CADPS: variants seen among roughly 807,000 people sequenced by gnomAD.
CADPS encodes calcium-dependent secretion activator 1.
Under a neutral mutation model 167.3 loss-of-function variants are expected in CADPS, and 57 were observed. That is an observed-to-expected ratio of 0.34 (90% CI 0.28 to 0.42). The LOEUF (loss-of-function observed/expected upper bound fraction) is 0.42. Among genes scored for constraint, CADPS ranks in the 20% least tolerant of loss-of-function variants. The pLI, the probability that CADPS is intolerant of heterozygous loss-of-function variation, is 1.00. For synonymous variants in CADPS, 676 were observed against 635.3 expected, an observed-to-expected ratio of 1.06 and a Z score of -0.96; for missense variants, 1,414 against 1,738.1, an observed-to-expected ratio of 0.81 and a Z score of 3.32.
chr3:62,835,811 A>T (rs2075810035), intron 1 of CADPS, among the ~76,000 whole-genome samples: 1 of 152,240 alleles, frequency 6.6e-6, no homozygotes, highest in South Asian at 2.1e-4. Context: ...GACAATGCCC[A>T]GCAGAATTGA....
At chr3:62,468,741 T>C (rs2060230404) in intron 24 of CADPS, among the ~76,000 whole-genome samples, 1 of 152,190 alleles carries the variant, frequency 6.6e-6, no homozygotes, top group South Asian at 2.1e-4. Flanking sequence ...TATGATCATC[T>C]CCATTCCTCT....
At chr3:62,523,317 G>A (rs1023576308) in intron 13 of CADPS, among the ~76,000 whole-genome samples, 2 of 152,046 alleles carry the variant, frequency 1.3e-5, no homozygotes, top group Non-Finnish European at 2.9e-5. Context: ...TCTATTATAG[G>A]ATTAATATAA....
rs59020048 is a variant in CADPS at position 62,675,268 on chromosome 3, GA to G, written c.889-12875del. Among the ~76,000 whole-genome samples the G allele has an allele frequency of 6.4e-3, 952 of 147,840 alleles. 6 individuals carry two copies. The highest frequency in any genetic ancestry group is 0.022 in the African/African-American group (882 of 40,390). On this transcript the variant is annotated intron_variant, in intron 3 of 29. Coordinates refer to ENST00000383710, the MANE Select transcript of CADPS (RefSeq NM_003716.4). The stretch of plus-strand genomic sequence containing the variant: ...CTAGCTGCAAAGAAAGTTAGAAAAT[GA>G]AAAAAAAAATACATAAAATATTTTA...
At chr3:62,406,015 A>G (rs957262111) in intron 28 of CADPS, among the ~76,000 whole-genome samples, 4 of 152,206 alleles carry the variant, frequency 2.6e-5, no homozygotes, top group Non-Finnish European at 5.9e-5. Flanking sequence ...GTGACTTGCC[A>G]ATGTCACACA....
At chr3:62,467,408 A>T in intron 24 of CADPS, 1 of 618,924 alleles carries the variant, frequency 1.6e-6, no homozygotes, top group South Asian at 2.0e-5. Flanking sequence ...AAAATTAAAT[A>T]AAATATTCAA....
intron 6 of CADPS, among the ~76,000 whole-genome samples, chr3:62,595,959 G>C (rs1188214978): frequency 6.6e-6 from 1 of 151,964 alleles, no homozygotes; most frequent in Non-Finnish European, 1.5e-5. Flanking sequence ...TCAAACATTG[G>C]ACTCCAAGTT....
At chr3:62,443,085 C>CGTGG (rs2056627457) in intron 27 of CADPS, among the ~76,000 whole-genome samples, 1 of 152,156 alleles carries the variant, frequency 6.6e-6, no homozygotes. Context: ...CTAATATGCA[C>CGTGG]TAAAATAATT....
chr3:62,748,621 G>A (rs1301992906), intron 3 of CADPS, among the ~76,000 whole-genome samples: 7 of 152,028 alleles, frequency 4.6e-5, no homozygotes, highest in Non-Finnish European at 5.9e-5. Flanking sequence ...CATCATCATC[G>A]CTGTCAGCTT....
chr3:62,584,939 A>G (rs2084261585), intron 8 of CADPS, among the ~76,000 whole-genome samples: 1 of 152,222 alleles, frequency 6.6e-6, no homozygotes, highest in Non-Finnish European at 1.5e-5. Context: ...GAAAGTTTTG[A>G]ATTGTCCTAG....
intron 1 of CADPS, among the ~76,000 whole-genome samples, chr3:62,850,251 G>A (rs1421618189): frequency 1.5e-5 from 2 of 131,946 alleles, no homozygotes; most frequent in Non-Finnish European, 3.3e-5. Flanking sequence ...TTTTTTGAAG[G>A]GTTTTTTGTG....
chr3:62,775,081 AGGCTGGAGTGC>A (rs2089944457), intron 1 of CADPS, among the ~76,000 whole-genome samples: 1 of 151,970 alleles, frequency 6.6e-6, no homozygotes, highest in South Asian at 2.1e-4. Context: ...TCTGTCACTC[AGGCTGGAGTGC>A]ATAGGTGTGA....
intron 2 of CADPS, among the ~76,000 whole-genome samples, chr3:62,758,142 T>C (rs889671050): frequency 1.3e-5 from 2 of 152,230 alleles, no homozygotes; most frequent in African/African-American, 4.8e-5. Flanking sequence ...TAAATACTTC[T>C]GAATTACCAG....
chr3:62,692,891 C>T (rs141845726), intron 3 of CADPS, among the ~76,000 whole-genome samples: 3 of 152,064 alleles, frequency 2.0e-5, no homozygotes, highest in African/African-American at 7.2e-5. Context: ...CAAAACCATC[C>T]AGGTCTCTTC....
intron 3 of CADPS, among the ~76,000 whole-genome samples, chr3:62,738,278 CA>C (rs2079420412): frequency 6.6e-6 from 1 of 152,066 alleles, no homozygotes; most frequent in African/African-American, 2.4e-5. Flanking sequence ...TTCTTGATGA[CA>C]AAAGGATCAG....
chr3:62,837,250 A>G (rs972979759), intron 1 of CADPS, among the ~76,000 whole-genome samples: 2 of 152,184 alleles, frequency 1.3e-5, no homozygotes, highest in Admixed American at 6.5e-5. Flanking sequence ...TAACTTCCCC[A>G]AAATCGCACA....
At chr3:62,437,340 CTTTTTTTT>C (rs11295364) in intron 28 of CADPS, among the ~76,000 whole-genome samples, 8 of 128,208 alleles carry the variant, frequency 6.2e-5, no homozygotes, top group Non-Finnish European at 9.9e-5. Context: ...AAGCAGGTTC[CTTTTTTTT>C]TTTTTTTTTT....
At chr3:62,610,329 C>T (rs1354910780) in intron 6 of CADPS, among the ~76,000 whole-genome samples, 2 of 152,046 alleles carry the variant, frequency 1.3e-5, no homozygotes, top group Admixed American at 1.3e-4. Context: ...CAGCTCACTG[C>T]AACCTTCGCT....
intron 3 of CADPS, among the ~76,000 whole-genome samples, chr3:62,716,355 A>C (rs908900365): frequency 6.6e-6 from 1 of 152,196 alleles, no homozygotes; most frequent in Non-Finnish European, 1.5e-5. Flanking sequence ...TGCCTGGCCT[A>C]TGATAATAAA....
At chr3:62,781,659 G>C (rs144375535) in intron 1 of CADPS, among the ~76,000 whole-genome samples, 2 of 152,210 alleles carry the variant, frequency 1.3e-5, no homozygotes, top group African/African-American at 4.8e-5. Flanking sequence ...TCCTGGGAGC[G>C]AGAACACACC....
Sources: allele counts gnomAD v4.1 joint callset (sites outside exome capture counted in the v4.1 genomes callset), GRCh38; gene constraint gnomAD v4.1.1; transcripts MANE v1.5; gene names NCBI Gene and HGNC (gene_info 2026-07-23, HGNC 2026-07-21).